VPS13B: variants seen among roughly 807,000 people sequenced by gnomAD.
The protein encoded by VPS13B is vacuolar protein sorting 13 homolog B.
VPS13B carries 285 observed loss-of-function variants against 426.4 expected under a neutral mutation model. That is an observed-to-expected ratio of 0.67 (90% CI 0.61 to 0.74). The LOEUF (loss-of-function observed/expected upper bound fraction) is 0.74, where lower values mean the gene tolerates loss of function less well. Among genes scored for constraint, VPS13B ranks in the 30% least tolerant of loss-of-function variants. The pLI is 0.00. For missense variants in VPS13B, 4,537 were observed against 4,782.6 expected (o/e 0.95, Z 1.51); for synonymous variants, 1,676 against 1,676.4 (o/e 1.00, Z 0.01).
intron 19 of VPS13B, among the ~76,000 whole-genome samples, chr8:99,279,864 G>A (rs1446179615): frequency 2.0e-5 from 3 of 152,124 alleles, no homozygotes; most frequent in Non-Finnish European, 4.4e-5. Context: ...CCGCCTCCCA[G>A]GTTCATGCCA....
At chr8:99,106,790 C>T (rs1847072522) in intron 5 of VPS13B, among the ~76,000 whole-genome samples, 1 of 152,166 alleles carries the variant, frequency 6.6e-6, no homozygotes, top group Admixed American at 6.5e-5. Context: ...GTGTATATAT[C>T]TATTCCCTCT....
At chr8:99,836,877 G>A (rs956896896) in intron 54 of VPS13B, among the ~76,000 whole-genome samples, 39 of 152,142 alleles carry the variant, frequency 2.6e-4, no homozygotes, top group African/African-American at 9.4e-4. Flanking sequence ...TCATCTCCAC[G>A]GAGGGAGAAG....
chr8:99,268,606 A>G (rs1186035211), intron 17 of VPS13B, among the ~76,000 whole-genome samples: 2 of 152,058 alleles, frequency 1.3e-5, no homozygotes, highest in African/African-American at 4.8e-5. Flanking sequence ...TCCCATTTGG[A>G]ATGGATGTAT....
intron 33 of VPS13B, among the ~76,000 whole-genome samples, chr8:99,616,412 G>A (rs1332053857): frequency 6.6e-6 from 1 of 152,200 alleles, no homozygotes; most frequent in Admixed American, 6.5e-5. Flanking sequence ...TAGGGGTGAA[G>A]GAGAGGTATC....
chr8:99,335,417 T>C lies in VPS13B; in HGVS notation c.2825-48791T>C, dbSNP rs377736107. On this transcript the variant is annotated intron_variant, in intron 19 of 61. Coordinates refer to ENST00000357162, the MANE Select transcript of VPS13B (RefSeq NM_152564.5). ...CTGCTAGCTTTTGAATGTGTTTGCT[T>C]TTGCTTTTCTAGTTCTTTTAATTGT... is the stretch of plus-strand genomic sequence containing the variant. 2.2e-4 allele frequency among the ~76,000 whole-genome samples: 33 copies of C among 152,120 alleles called. No individual in the cohort carries two copies. In the East Asian group the frequency reaches 6.2e-3, roughly 29 times the overall value.
At chr8:99,256,223 G>A (rs1010631718) in intron 17 of VPS13B, among the ~76,000 whole-genome samples, 3 of 152,002 alleles carry the variant, frequency 2.0e-5, no homozygotes, top group Admixed American at 6.6e-5. Flanking sequence ...ACATTTGCTG[G>A]GTCTACATGT....
intron 38 of VPS13B, 119 bp downstream of exon 38, chr8:99,720,671 A>G: frequency 8.3e-7 from 1 of 1,200,760 alleles, no homozygotes; most frequent in East Asian, 2.5e-5. Context: ...AATTTGCAGT[A>G]CAAAAATAGT....
chr8:99,024,601 C>T (rs551995362), intron 2 of VPS13B, among the ~76,000 whole-genome samples: 1 of 152,238 alleles, frequency 6.6e-6, no homozygotes, highest in Admixed American at 6.5e-5. Context: ...GTTAAAAATC[C>T]ATTGGCCATA....
chr8:99,835,070 C>T (rs978356741), intron 52 of VPS13B, 127 bp from the exon 53 acceptor site: 85 of 1,154,594 alleles, frequency 7.4e-5, no homozygotes, highest in Non-Finnish European at 1.1e-4. Context: ...AAAGGAATCT[C>T]CCCTGAGTTA....
At chr8:99,037,582 C>G (rs952572089) in intron 2 of VPS13B, among the ~76,000 whole-genome samples, 3 of 151,954 alleles carry the variant, frequency 2.0e-5, no homozygotes, top group Admixed American at 6.6e-5. Context: ...AATGAATAAG[C>G]TTAATATTTT....
At chr8:99,820,578 T>C (rs966899206) in intron 49 of VPS13B, among the ~76,000 whole-genome samples, 1 of 152,188 alleles carries the variant, frequency 6.6e-6, no homozygotes, top group Non-Finnish European at 1.5e-5. Context: ...TGGATGTTCA[T>C]AATTATGGAT....
rs1014579158 is a variant in VPS13B, at chr8:99,875,567, T to C, written c.11895T>C (p.Val3965=). The C allele has an allele frequency of 1.9e-6, 3 of 1,614,192 alleles. No homozygotes were observed. Among genetic ancestry groups the C allele is most frequent in the South Asian group, 1.1e-5 (1 of 91,080 alleles). The change falls in exon 62 of 62, where the codon GTT becomes GTC. Residue 3965 remains valine, a synonymous_variant. Transcript: ENST00000357162. ...VVAAEPPPST[V]KTYHYLVDPH... ...CTGCAGAACCTCCCCCCTCCACTGT[T>C]AAAACATACCATTACCTGGTTGATC...
chr8:99,155,744 C>T (rs759250213), intron 14 of VPS13B, among the ~76,000 whole-genome samples: 25 of 152,054 alleles, frequency 1.6e-4, no homozygotes, highest in Non-Finnish European at 3.5e-4. Flanking sequence ...GGCCAATACC[C>T]GCTAAAGGCC....
chr8:99,391,735 A>G (rs549731413), intron 21 of VPS13B, 31 bp downstream of exon 21: 1 of 1,609,566 alleles, frequency 6.2e-7, no homozygotes, highest in African/African-American at 1.3e-5. Context: ...AGGGACTATG[A>G]TTGTACTCTA....
intron 19 of VPS13B, among the ~76,000 whole-genome samples, chr8:99,276,482 G>A (rs539261744): frequency 2.0e-5 from 3 of 152,228 alleles, no homozygotes; most frequent in Admixed American, 2.0e-4. Context: ...TTCTTAAAGG[G>A]CCTGACAGCT....
At chr8:99,821,560 C>A in intron 50 of VPS13B, 78 bp downstream of exon 50, 1 of 1,525,982 alleles carries the variant, frequency 6.6e-7, no homozygotes, top group Non-Finnish European at 9.1e-7. Context: ...CTGCCTTTTT[C>A]TTTTTGATAC....
chr8:99,547,561 G>T (rs556661984), intron 30 of VPS13B, among the ~76,000 whole-genome samples: 1 of 152,020 alleles, frequency 6.6e-6, no homozygotes, highest in South Asian at 2.1e-4. Flanking sequence ...TTCAACATGA[G>T]CTGTTCCTTA....
chr8:99,290,513 G>A (rs1563649814), intron 19 of VPS13B, among the ~76,000 whole-genome samples: 1 of 151,994 alleles, frequency 6.6e-6, no homozygotes, highest in South Asian at 2.1e-4. Context: ...CATGGGGTGC[G>A]GGGAGAGGGA....
chr8:99,799,594 T>G (rs1260260132), intron 43 of VPS13B, among the ~76,000 whole-genome samples: 1 of 152,220 alleles, frequency 6.6e-6, no homozygotes, highest in Non-Finnish European at 1.5e-5. Flanking sequence ...GGATTTCTCT[T>G]ATATCCATCT....
Sources: gnomAD v4.1 joint callset for allele counts (sites outside exome capture counted in the v4.1 genomes callset) on GRCh38, gnomAD v4.1.1 for gene constraint, MANE v1.5 for transcripts, NCBI Gene and HGNC (gene_info 2026-07-23, HGNC 2026-07-21) for gene names.